Variants in MN1 observed in about 807,000 individuals in gnomAD.
The protein encoded by MN1 is transcriptional activator MN1.
Under a neutral mutation model 86.9 loss-of-function variants are expected in MN1, and 19 were observed. The ratio of observed to expected loss-of-function variants is 0.22; its 90% CI spans 0.15 to 0.32. The LOEUF is 0.32. MN1 is among the 10% of genes least tolerant of loss of function. The pLI is 1.00. For missense variants in MN1, 1,841 were observed against 1,862.0 expected, an observed-to-expected ratio of 0.99 and a Z score of 0.21; for synonymous variants, 928 against 849.6, an observed-to-expected ratio of 1.09 and a Z score of -1.60.
chr22:27,767,749 G>C (rs552009311), intron 1 of MN1, among the ~76,000 whole-genome samples: 10 of 152,092 alleles, frequency 6.6e-5, no homozygotes, highest in Non-Finnish European at 1.2e-4. Context: ...GGCAAGGTTG[G>C]GTGGGTGGAG....
chr22:27,800,093 C>T lies in MN1; in HGVS notation c.451G>A (p.Glu151Lys), dbSNP rs1417371995. 1 of 1,587,760 alleles carries T rather than the reference C, an allele frequency of 6.3e-7. No homozygotes were observed. Among genetic ancestry groups the T allele is most frequent in the Admixed American group, 1.7e-5 (1 of 58,280 alleles). Reference protein sequence around the residue: ...GGLGSQPPFAEGYEHMAESQG... With the variant: ...GGLGSQPPFAKGYEHMAESQG... ...CTCTCCGCCATGTGCTCATAGCCCT[C>T]GGCGAAGGGCGGCTGGCTGCCCAGG... Residue 151 changes from glutamate to lysine, a missense_variant, in exon 1 of 2, where the codon GAG becomes AAG. Coordinates refer to ENST00000302326, the MANE Select transcript of MN1 (RefSeq NM_002430.3).
At position 27,800,150 on chromosome 22, in the gene MN1, G is replaced by A. The variant is rs1027359002; in HGVS notation, c.394C>T (p.Arg132Cys). The part of the protein sequence containing the change: ...DPGASCLHGG[R>C]LLGYGGAAGG... ...GCTGCGCCGCCGTAGCCGAGCAGGC[G>A]ACCCCCGTGCAGGCACGAGGCCCCG... Residue 132 changes from arginine (R) to cysteine (C), a missense_variant, in exon 1 of 2, where the codon CGC (arginine) becomes TGC (cysteine). Transcript: ENST00000302326. 1.5e-5 allele frequency: 24 copies of A among 1,555,370 alleles called. No individual in the cohort carries two copies. Among genetic ancestry groups the A allele is most frequent in the Non-Finnish European group, 2.0e-5 (23 of 1,156,188 alleles).
chr22:27,800,736 C>G lies in MN1; in HGVS notation c.-193G>C, dbSNP rs368438276. 5.7e-4 allele frequency: 374 copies of G among 654,050 alleles called. 2 individuals are homozygous for G. The East Asian group carries it at 9.2e-3, about 16-fold the overall frequency. 40.5% of individuals were successfully genotyped at this position (654,050 alleles called of 1,614,324 possible). ...GGGTATTAGCTCCTCTCCTGAAGCT[C>G]CGATTCTGCCCGGGGAGGGCCTCTC... is the stretch of plus-strand genomic sequence containing the variant. On this transcript the variant is annotated 5_prime_UTR_variant, in exon 1 of 2. Transcript: ENST00000302326.
intron 1 of MN1, among the ~76,000 whole-genome samples, chr22:27,765,553 C>A (rs561459222): frequency 6.6e-6 from 1 of 152,218 alleles, no homozygotes; most frequent in Non-Finnish European, 1.5e-5. Context: ...CCTCTGAGGA[C>A]CCCCGTGTGG....
rs117587429 is a variant in MN1 at position 27,754,875 on chromosome 22, C to A, written c.3782-3779G>T. On this transcript the variant is annotated intron_variant, in intron 1 of 1. Coordinates refer to ENST00000302326, the MANE Select transcript of MN1 (RefSeq NM_002430.3). ...CCCAGCACTGGCAGACATCACAGGA[C>A]CCAGTGAGTGCTGTTCTGTTTTCCA... Among the ~76,000 whole-genome samples the A allele has an allele frequency of 3.5e-3, 527 of 152,320 alleles. 20 individuals carry two copies. The East Asian group carries it at 0.084, about 24-fold the overall frequency.
chr22:27,797,803 T>C lies in MN1; in HGVS notation c.2741A>G (p.Asp914Gly). 1.3e-6 allele frequency: 2 copies of C among 1,591,660 alleles called. No individual in the cohort carries two copies. Among genetic ancestry groups the C allele is most frequent in the African/African-American group, 1.3e-5 (1 of 74,524 alleles). Residue 914 changes from aspartate (D) to glycine (G), a missense_variant, in exon 1 of 2, where the codon GAC (aspartate) becomes GGC (glycine). Coordinates refer to ENST00000302326, the MANE Select transcript of MN1 (RefSeq NM_002430.3). ...SGPPNPPAQG[D>G]GTSLSPNYTL... is the part of the protein sequence containing the mutation. The stretch of plus-strand genomic sequence containing the variant: ...GTAGTTGGGGGAGAGGCTGGTGCCG[T>C]CCCCCTGGGCTGGAGGGTTGGGCGG...
In MN1 at chr22:27,783,343, G is replaced by A. The variant is rs45582735; in HGVS notation, c.3781+13420C>T. On this transcript the variant is annotated intron_variant, in intron 1 of 1. Coordinates refer to ENST00000302326, the MANE Select transcript of MN1 (RefSeq NM_002430.3). ...GATGGGATTTTACCATGTTGGCCAT[G>A]CTGGTCTCGAACTCCTGACCTCAGG... 1.9e-3 allele frequency among the ~76,000 whole-genome samples: 283 copies of A among 152,200 alleles called. 3 individuals are homozygous for A. The highest frequency in any genetic ancestry group is 6.1e-3 in the African/African-American group (254 of 41,532).
At chr22:27,792,730 C>T (rs1218510985) in intron 1 of MN1, among the ~76,000 whole-genome samples, 1 of 152,010 alleles carries the variant, frequency 6.6e-6, no homozygotes, top group Non-Finnish European at 1.5e-5. Flanking sequence ...TTACATCTTC[C>T]GGAGGCGCAA....
intron 1 of MN1, among the ~76,000 whole-genome samples, chr22:27,784,313 C>A (rs1933092315): frequency 6.6e-6 from 1 of 152,184 alleles, no homozygotes; most frequent in Non-Finnish European, 1.5e-5. Context: ...GTTGAAACCG[C>A]CAAACACCCC....
At chr22:27,778,444 T>C (rs1352047360) in intron 1 of MN1, among the ~76,000 whole-genome samples, 1 of 152,188 alleles carries the variant, frequency 6.6e-6, no homozygotes, top group Admixed American at 6.5e-5. Context: ...CCCACTCCTC[T>C]CCACTTCATG....
chr22:27,797,786 G>C lies in MN1; in HGVS notation c.2758C>G (p.Pro920Ala). The change falls in exon 1 of 2, where the codon CCC becomes GCC. Residue 920 changes from proline (P) to alanine (A), a missense_variant. Physicochemically the swap from Pro to Ala is conservative, Grantham distance 27. Transcript: ENST00000302326. ...PAQGDGTSLS[P>A]NYTLESTSGN... The stretch of plus-strand genomic sequence containing the variant: ...GACGTGGATTCCAGGGTGTAGTTGG[G>C]GGAGAGGCTGGTGCCGTCCCCCTGG... The C allele has an allele frequency of 6.2e-7, 1 of 1,603,106 alleles. No homozygotes were observed. Among genetic ancestry groups the C allele is most frequent in the Non-Finnish European group, 8.5e-7 (1 of 1,176,408 alleles).
At chr22:27,758,970 C>T (rs1932817609) in intron 1 of MN1, among the ~76,000 whole-genome samples, 2 of 152,210 alleles carry the variant, frequency 1.3e-5, no homozygotes, top group Non-Finnish European at 2.9e-5. Flanking sequence ...GGACTACAGG[C>T]ATGCGCCACC....
intron 1 of MN1, among the ~76,000 whole-genome samples, chr22:27,782,048 C>A (rs970389263): frequency 1.3e-5 from 2 of 152,148 alleles, no homozygotes; most frequent in Non-Finnish European, 2.9e-5. Flanking sequence ...TGGATTCCCT[C>A]CACAAGAAGG....
At chr22:27,776,392 GCCTTCAAACCTAGGCAGGCAGGC>G (rs1246222836) in intron 1 of MN1, among the ~76,000 whole-genome samples, 1 of 152,226 alleles carries the variant, frequency 6.6e-6, no homozygotes, top group Admixed American at 6.5e-5. Context: ...CAGTTTAATT[GCCTTCAAACCTAGGCAGGCAGGC>G]CCAGGCAGAT....
chr22:27,797,291 G>A lies in MN1; in HGVS notation c.3253C>T (p.Pro1085Ser), dbSNP rs372767958. ...SPLVTGSPKL[P>S]PRGVGAGEHG... ...TCCCCGGCGCCTACCCCACGGGGAG[G>A]GAGTTTGGGCGAGCCGGTCACCAGG... Residue 1085 changes from proline (P) to serine (S), a missense_variant, in exon 1 of 2, where the codon CCT (proline) becomes TCT (serine). Pro to Ser is a moderately conservative substitution (Grantham distance 74). Coordinates refer to ENST00000302326, the MANE Select transcript of MN1 (RefSeq NM_002430.3). 2.4e-5 allele frequency: 39 copies of A among 1,597,594 alleles called. No individual in the cohort carries two copies. The highest frequency in any genetic ancestry group is 1.2e-4 in the African/African-American group (9 of 74,878).
At chr22:27,773,639 A>T (rs1932940266) in intron 1 of MN1, among the ~76,000 whole-genome samples, 1 of 152,208 alleles carries the variant, frequency 6.6e-6, no homozygotes, top group Non-Finnish European at 1.5e-5. Flanking sequence ...CTAGGCCCCA[A>T]ACATCATCTT....
At chr22:27,795,624 A>T (rs1933280828) in intron 1 of MN1, among the ~76,000 whole-genome samples, 1 of 152,152 alleles carries the variant, frequency 6.6e-6, no homozygotes, top group Non-Finnish European at 1.5e-5. Context: ...AAAGAAAGAC[A>T]TAGAAAGAAA....
chr22:27,788,146 C>T (rs1213471317), intron 1 of MN1, among the ~76,000 whole-genome samples: 9 of 152,176 alleles, frequency 5.9e-5, no homozygotes, highest in East Asian at 5.8e-4. Context: ...AGTCAGTAAA[C>T]GACACTTCAA....
At position 27,776,042 on chromosome 22, in the gene MN1, G is replaced by A. The variant is rs190000284; in HGVS notation, c.3781+20721C>T. On this transcript the variant is annotated intron_variant, in intron 1 of 1. Coordinates refer to ENST00000302326, the MANE Select transcript of MN1 (RefSeq NM_002430.3). ...GTGGGGGCTGCAAATTTCCTTTAGCGGAGTTCAGTTCACCCAAAAAAAATT... is the reference window on the plus strand; with the variant it reads ...GTGGGGGCTGCAAATTTCCTTTAGCAGAGTTCAGTTCACCCAAAAAAAATT... 2.1e-3 allele frequency among the ~76,000 whole-genome samples: 326 copies of A among 152,336 alleles called. 3 individuals are homozygous for A. The highest frequency in any genetic ancestry group is 3.6e-3 in the Non-Finnish European group (248 of 68,032).
Sources: gnomAD v4.1 joint callset for allele counts (sites outside exome capture counted in the v4.1 genomes callset) on GRCh38, gnomAD v4.1.1 for gene constraint, MANE v1.5 for transcripts, NCBI Gene and HGNC (gene_info 2026-07-23, HGNC 2026-07-21) for gene names.